The following NAA38 variants were observed in gnomAD, a reference collection of about 807,000 sequenced individuals.
NAA38 encodes the protein LSM domain containing 1.
In NAA38, 15 loss-of-function variants were observed where a neutral mutation model predicts 12.6. The ratio of observed to expected loss-of-function variants is 1.19; its 90% CI spans 0.79 to 1.83. NAA38 has a LOEUF of 1.83. NAA38 is among the 40% of genes most tolerant of loss of function. NAA38 has a pLI of 0.00. For synonymous variants in NAA38, 88 were observed against 69.9 expected (o/e 1.26, Z -1.29); for missense variants, 183 against 171.7 (o/e 1.07, Z -0.37).
At chr17:7,858,878 C>A, upstream of NAA38, 1 of 1,449,238 alleles carries the variant, frequency 6.9e-7, no homozygotes, top group Non-Finnish European at 9.2e-7. Context: ...CCCAGCAAAT[C>A]TCCAGGCCGA....
At chr17:7,856,883 A>G in intron 2 of NAA38, 40 bp from the exon 3 acceptor site, 2 of 1,606,882 alleles carry the variant, frequency 1.2e-6, no homozygotes, top group East Asian at 2.2e-5. Flanking sequence ...GTAGGCCAGA[A>G]TCAGTCCCGC....
rs542695493 is a variant in NAA38, at chr17:7,868,952, G to A, written c.-65-2394C>T. Among the ~76,000 whole-genome samples the A allele has an allele frequency of 2.6e-4, 40 of 152,310 alleles. No homozygotes were observed. The South Asian group carries it at 6.6e-3, about 25-fold the overall frequency. ...TCTTTATACAGTGATGGAAAGCAAG[G>A]GAATGGGGCCAACTACTGGGAGAAG... On this transcript the variant is annotated intron_variant, in intron 2 of 4. Coordinates refer to the NAA38 transcript ENST00000576861.
Position 7,857,004 on chromosome 17 carries a change from C to G in NAA38, c.265+11G>C, listed in dbSNP as rs200652901. 6 of 1,599,610 alleles carry G rather than the reference C, an allele frequency of 3.8e-6. No homozygotes were observed. The highest frequency in any genetic ancestry group is 1.3e-5 in the African/African-American group (1 of 74,808). ...CATTACCAGGCGGGTGTGCATTCCC[C>G]GGGCACTGACCCGACGGCTTGAGGA... On this transcript the variant is annotated intron_variant, in intron 2 of 2. Transcript: ENST00000575771.
At chr17:7,879,866 GGAAACACA>G (rs1199064115) in intron 2 of NAA38, among the ~76,000 whole-genome samples, 1 of 151,854 alleles carries the variant, frequency 6.6e-6, no homozygotes, top group African/African-American at 2.4e-5. Context: ...AGAGAAACCT[GGAAACACA>G]GAAGGAGAGA....
rs561310498 is a variant in NAA38, at chr17:7,870,240, T to C, written c.-65-3682A>G. On this transcript the variant is annotated intron_variant, in intron 2 of 4. Coordinates refer to the NAA38 transcript ENST00000576861. Reference sequence around the variant, plus strand: ...TCATGCCACTGCACTCCAGCCTGGGTGACAGAGGAAGACTCTGTCTTAAAA... The same window carrying C: ...TCATGCCACTGCACTCCAGCCTGGGCGACAGAGGAAGACTCTGTCTTAAAA... Among the ~76,000 whole-genome samples the C allele has an allele frequency of 1.1e-4, 16 of 152,196 alleles. No homozygotes were observed. The South Asian group carries it at 3.3e-3, about 32-fold the overall frequency.
Position 7,857,083 on chromosome 17 carries a change from C to A in NAA38, c.197G>T (p.Cys66Phe). ...RMTDGRTLVG[C>F]FLCTDRDCNV... is the part of the protein sequence containing the mutation. ...GCAGTCACGGTCAGTGCAGAGGAAG[C>A]AGCCGACCAGTGTCCGTCCATCTGT... The change falls in exon 2 of 3, where the codon TGC becomes TTC. Residue 66 changes from cysteine (C) to phenylalanine (F), a missense_variant. By Grantham distance (205) the Cys-to-Phe change is radical (BLOSUM62 -2). Transcript: ENST00000575771. 1 of 1,613,560 alleles carries A rather than the reference C, an allele frequency of 6.2e-7. No individual in the cohort carries two copies. The highest frequency in any genetic ancestry group is 8.5e-7 in the Non-Finnish European group (1 of 1,180,044).
chr17:7,882,930 G>C (rs1707240190), intron 2 of NAA38, among the ~76,000 whole-genome samples: 1 of 152,154 alleles, frequency 6.6e-6, no homozygotes, highest in Admixed American at 6.5e-5. Context: ...GATTCCACAG[G>C]CATGGAATGG....
intron 2 of NAA38, among the ~76,000 whole-genome samples, chr17:7,882,679 G>C (rs143541047): frequency 4.2e-4 from 64 of 152,028 alleles, no homozygotes; most frequent in African/African-American, 1.4e-3. Context: ...AATTCCAAAG[G>C]CCAGGTTAAA....
At chr17:7,871,183 G>C (rs1967079267) in intron 2 of NAA38, among the ~76,000 whole-genome samples, 1 of 152,036 alleles carries the variant, frequency 6.6e-6, no homozygotes. Flanking sequence ...TCTTTTTTCA[G>C]GTCTACTGTG....
intron 3 of NAA38, chr17:7,863,890 T>A (rs958002919): frequency 6.6e-5 from 10 of 152,214 alleles, no homozygotes; most frequent in African/African-American, 2.2e-4. Context: ...GGCAGAACCA[T>A]GGCAACCCAT....
At chr17:7,867,579 G>C (rs960251761) in intron 2 of NAA38, among the ~76,000 whole-genome samples, 1 of 152,154 alleles carries the variant, frequency 6.6e-6, no homozygotes, top group South Asian at 2.1e-4. Context: ...CAATCCACCC[G>C]TGTGGGCCTC....
upstream of NAA38, chr17:7,858,204 G>A: frequency 1.9e-6 from 3 of 1,613,980 alleles, no homozygotes; most frequent in East Asian, 4.5e-5. Context: ...CACGCCGGCG[G>A]AGGTGGCCCA....
At chr17:7,880,020 G>C (rs1196859662) in intron 2 of NAA38, among the ~76,000 whole-genome samples, 1 of 150,274 alleles carries the variant, frequency 6.7e-6, no homozygotes, top group Non-Finnish European at 1.5e-5. Flanking sequence ...GAGAGAGAAA[G>C]AGAGAAGAAG....
At chr17:7,861,471 A>C (rs1482765922), upstream of NAA38, 2 of 152,198 alleles carry the variant, frequency 1.3e-5, no homozygotes, top group Admixed American at 1.3e-4. Flanking sequence ...TTGCTCAATT[A>C]AACCCTGAAC....
At chr17:7,871,337 GAGTT>G (rs1399395854) in intron 2 of NAA38, among the ~76,000 whole-genome samples, 3 of 152,168 alleles carry the variant, frequency 2.0e-5, no homozygotes, top group Admixed American at 2.0e-4. Flanking sequence ...AGGAGTGAGT[GAGTT>G]AGTACATATT....
At position 7,870,516 on chromosome 17, in the gene NAA38, GTTCT is replaced by G. The variant is rs201491788; in HGVS notation, c.-65-3962_-65-3959del. ...CGAAAAGATATATTGCAGTATTTGG[GTTCT>G]TTATTAGGTACTGGAGGTACAGAGA... is the stretch of plus-strand genomic sequence containing the variant. On this transcript the variant is annotated intron_variant, in intron 2 of 4. Coordinates refer to the NAA38 transcript ENST00000576861. 7.2e-5 allele frequency among the ~76,000 whole-genome samples: 11 copies of G among 152,108 alleles called. No individual in the cohort carries two copies. In the East Asian group the frequency reaches 7.7e-4, roughly 11 times the overall value.
chr17:7,885,197 G>A (rs1295955340), exon 1 of NAA38: 13 of 950,460 alleles, frequency 1.4e-5, no homozygotes, highest in Non-Finnish European at 1.6e-5. Flanking sequence ...TCCGGAGCGC[G>A]AATCCGGGGC....
At chr17:7,878,421 CT>C (rs1967212317) in intron 2 of NAA38, among the ~76,000 whole-genome samples, 1 of 151,650 alleles carries the variant, frequency 6.6e-6, no homozygotes, top group Admixed American at 6.6e-5. Context: ...GGGTTGCTGA[CT>C]TTTCATTGTG....
upstream of NAA38, chr17:7,860,641 A>AC (rs2078876072): frequency 6.6e-6 from 1 of 152,204 alleles, no homozygotes; most frequent in African/African-American, 2.4e-5. Flanking sequence ...GCTCTCAGCA[A>AC]GTATTTGGGA....
Sources: gnomAD v4.1 joint callset for allele counts (sites outside exome capture counted in the v4.1 genomes callset) on GRCh38, gnomAD v4.1.1 for gene constraint, MANE v1.5 for transcripts, NCBI Gene and HGNC (gene_info 2026-07-23, HGNC 2026-07-21) for gene names.